The following PTPRD variants were observed in gnomAD, a reference collection of about 807,000 sequenced individuals.
PTPRD encodes protein tyrosine phosphatase receptor type D, also known as receptor-type tyrosine-protein phosphatase delta.
In PTPRD, 34 loss-of-function variants were observed where a neutral mutation model predicts 214.5. That is an observed-to-expected ratio of 0.16 (90% CI 0.12 to 0.21). The LOEUF (loss-of-function observed/expected upper bound fraction) is 0.21, where lower values mean the gene tolerates loss of function less well. Ranked by LOEUF, PTPRD falls within the 10% of genes least tolerant of loss-of-function variation. The pLI is 1.00. For synonymous variants in PTPRD, 1,128 were observed against 845.7 expected (o/e 1.33, Z -5.79); for missense variants, 2,545 against 2,398.7 (o/e 1.06, Z -1.27).
At chr9:8,836,997 G>C (rs1436786189) in intron 11 of PTPRD, among the ~76,000 whole-genome samples, 1 of 147,322 alleles carries the variant, frequency 6.8e-6, no homozygotes, top group African/African-American at 2.5e-5. Context: ...GAAGAGTCTA[G>C]ATTACAGGCG....
At chr9:10,173,587 T>C (rs975787766) in intron 3 of PTPRD, among the ~76,000 whole-genome samples, 1 of 152,164 alleles carries the variant, frequency 6.6e-6, no homozygotes, top group African/African-American at 2.4e-5. Flanking sequence ...TCTTACCATT[T>C]CCAAATAACA....
intron 14 of PTPRD, among the ~76,000 whole-genome samples, chr9:8,596,053 A>G (rs1409298624): frequency 6.6e-6 from 1 of 152,218 alleles, no homozygotes; most frequent in African/African-American, 2.4e-5. Context: ...CAGGTATCAG[A>G]GATTCTAAAC....
chr9:9,467,665 GATTTCAGTAGATATTCTTGTGTTAA>G (rs2094305653), intron 8 of PTPRD, among the ~76,000 whole-genome samples: 1 of 145,372 alleles, frequency 6.9e-6, no homozygotes, highest in Non-Finnish European at 1.5e-5. Flanking sequence ...GTTTACTATC[GATTTCAGTAGATATTCTTGTGTTAA>G]ATTTCTCTCT....
chr9:8,520,540 G>C (rs972608511), intron 20 of PTPRD, among the ~76,000 whole-genome samples: 5 of 152,018 alleles, frequency 3.3e-5, no homozygotes, highest in African/African-American at 9.7e-5. Context: ...GCCATCTGCA[G>C]AAAACTTAAG....
chr9:10,007,229 C>T (rs1421140974), intron 4 of PTPRD, among the ~76,000 whole-genome samples: 5 of 151,914 alleles, frequency 3.3e-5, no homozygotes, highest in Admixed American at 1.3e-4. Context: ...TCAAGCACAT[C>T]ATTTTGCTTC....
chr9:10,557,274 C>T (rs903454248), intron 2 of PTPRD, among the ~76,000 whole-genome samples: 1 of 152,168 alleles, frequency 6.6e-6, no homozygotes, highest in East Asian at 1.9e-4. Context: ...TAAAAGGATG[C>T]CCCATCCTAT....
At chr9:8,665,045 T>C (rs1480473607) in intron 12 of PTPRD, among the ~76,000 whole-genome samples, 2 of 152,222 alleles carry the variant, frequency 1.3e-5, no homozygotes, top group African/African-American at 4.8e-5. Context: ...ACCTTGATTT[T>C]GTCAAACTAC....
intron 10 of PTPRD, among the ~76,000 whole-genome samples, chr9:9,160,723 T>G (rs1163322731): frequency 6.6e-6 from 1 of 152,202 alleles, no homozygotes; most frequent in Non-Finnish European, 1.5e-5. Context: ...AAGGGATATC[T>G]GCATGCTCAT....
chr9:10,520,813 G>T (rs1002805139), intron 2 of PTPRD, among the ~76,000 whole-genome samples: 2 of 151,954 alleles, frequency 1.3e-5, no homozygotes, highest in African/African-American at 4.8e-5. Context: ...AAGCCTAGAT[G>T]ACAGCACATC....
chr9:9,188,331 T>C (rs1229486348), intron 9 of PTPRD, among the ~76,000 whole-genome samples: 1 of 152,066 alleles, frequency 6.6e-6, no homozygotes, highest in African/African-American at 2.4e-5. Context: ...AATGCCGCAA[T>C]AAACATCCTT....
chr9:8,991,747 A>C (rs2099367846), intron 11 of PTPRD, among the ~76,000 whole-genome samples: 2 of 152,130 alleles, frequency 1.3e-5, no homozygotes, highest in South Asian at 4.1e-4. Flanking sequence ...CCATCAGATC[A>C]ATAGTATTTT....
intron 7 of PTPRD, among the ~76,000 whole-genome samples, chr9:9,625,553 A>ATTTT (rs61688647): frequency 1.4e-5 from 2 of 142,874 alleles, no homozygotes. Context: ...TTGTTCCTCT[A>ATTTT]TTTTTTTTTT....
intron 43 of PTPRD, among the ~76,000 whole-genome samples, chr9:8,338,517 C>T (rs1849166772): frequency 6.6e-6 from 1 of 152,044 alleles, no homozygotes; most frequent in Non-Finnish European, 1.5e-5. Flanking sequence ...CCTCTGGGTC[C>T]ATATGACCTA....
chr9:9,863,314 T>C (rs946121304), intron 5 of PTPRD, among the ~76,000 whole-genome samples: 10 of 152,108 alleles, frequency 6.6e-5, no homozygotes, highest in Non-Finnish European at 1.5e-4. Flanking sequence ...AATTTGATAA[T>C]TGATAAAGGA....
intron 9 of PTPRD, among the ~76,000 whole-genome samples, chr9:9,378,258 A>G (rs10816100): frequency 0.26 from 40,117 of 152,054 alleles, 5,417 homozygotes; most frequent in Middle Eastern, 0.38. Flanking sequence ...TTTCCAGAAA[A>G]TCATATAGTT....
Position 10,216,724 on chromosome 9 carries a change from T to A in PTPRD, c.-545+124239A>T, listed in dbSNP as rs945701414. ...TTGAATTTTTTGATAGTGTTGGAAG[T>A]ATACGGAATAAATTCACTTCAACTG... On this transcript the variant is annotated intron_variant, in intron 3 of 45. Transcript: ENST00000381196. Among the ~76,000 whole-genome samples the A allele has an allele frequency of 5.3e-5, 8 of 152,080 alleles. No individual in the cohort carries two copies. The East Asian group carries it at 1.5e-3, about 29-fold the overall frequency.
chr9:8,492,521 G>A (rs1323592), intron 27 of PTPRD, among the ~76,000 whole-genome samples: 11,055 of 149,992 alleles, frequency 0.074, 503 homozygotes, highest in South Asian at 0.12. Flanking sequence ...GTCCTATTCA[G>A]AAAGTGAATT....
chr9:8,706,605 A>G (rs916385093), intron 12 of PTPRD, among the ~76,000 whole-genome samples: 2 of 152,016 alleles, frequency 1.3e-5, no homozygotes, highest in East Asian at 1.9e-4. Flanking sequence ...TGAGCTTAAG[A>G]AAAAAAAGCG....
intron 2 of PTPRD, among the ~76,000 whole-genome samples, chr9:10,597,072 T>C (rs936518763): frequency 5.3e-5 from 8 of 150,814 alleles, no homozygotes; most frequent in Non-Finnish European, 8.9e-5. Flanking sequence ...TTATTTTCCA[T>C]ATATATATAT....
Sources: allele counts gnomAD v4.1 joint callset (sites outside exome capture counted in the v4.1 genomes callset), GRCh38; gene constraint gnomAD v4.1.1; transcripts MANE v1.5; gene names NCBI Gene and HGNC (gene_info 2026-07-23, HGNC 2026-07-21).